DNAH7: variants seen among roughly 807,000 people sequenced by gnomAD.
The protein encoded by DNAH7 is axonemal beta dynein heavy chain 7.
A neutral mutation model predicts 444.6 loss-of-function variants in DNAH7; 397 were observed. That is an observed-to-expected ratio of 0.89 (90% CI 0.82 to 0.97). DNAH7 has a LOEUF of 0.97. Among genes scored for constraint, DNAH7 ranks in the 50% least tolerant of loss-of-function variants. DNAH7 has a pLI of 0.00. For missense variants in DNAH7, 4,902 were observed against 4,800.8 expected (o/e 1.02, Z -0.62); for synonymous variants, 1,636 against 1,624.4 (o/e 1.01, Z -0.17).
chr2:195,754,345 G>A lies in DNAH7; in HGVS notation c.11756C>T (p.Pro3919Leu). ...VMEDKEYKHP[P>L]EDGVFIHGLF... Reference sequence around the variant, plus strand: ...TCTGTCCCTGCACTTACCATCCTCAGGAGGATGCTTGTATTCTTTGTCTTC... The same window carrying A: ...TCTGTCCCTGCACTTACCATCCTCAAGAGGATGCTTGTATTCTTTGTCTTC... Residue 3919 changes from proline to leucine, a missense_variant, in exon 63 of 65, where the codon CCT becomes CTT. Physicochemically the swap from Pro to Leu is moderately conservative, Grantham distance 98. Coordinates refer to ENST00000312428, the MANE Select transcript of DNAH7 (RefSeq NM_018897.3). The A allele has an allele frequency of 1.2e-6, 2 of 1,613,692 alleles. No individual in the cohort carries two copies. Among genetic ancestry groups the A allele is most frequent in the South Asian group, 1.1e-5 (1 of 91,048 alleles).
At chr2:195,894,493 C>A (rs1316334116) in intron 30 of DNAH7, 2 of 152,230 alleles carry the variant, frequency 1.3e-5, no homozygotes, top group Non-Finnish European at 2.9e-5. Context: ...GTATTTAAAA[C>A]AGCCCCACTC....
chr2:196,020,186 G>C (rs988875783), intron 8 of DNAH7, among the ~76,000 whole-genome samples: 1 of 151,772 alleles, frequency 6.6e-6, no homozygotes, highest in Non-Finnish European at 1.5e-5. Flanking sequence ...GTTTTAATTG[G>C]CTGTTTATGT....
At chr2:195,996,460 C>A (rs1376977849) in intron 12 of DNAH7, among the ~76,000 whole-genome samples, 1 of 146,910 alleles carries the variant, frequency 6.8e-6, no homozygotes, top group Non-Finnish European at 1.5e-5. Flanking sequence ...GAGTCTCATT[C>A]TGTTGCCCAG....
chr2:195,969,575 A>G (rs1203689432), intron 17 of DNAH7, among the ~76,000 whole-genome samples: 4 of 152,190 alleles, frequency 2.6e-5, no homozygotes, highest in Non-Finnish European at 5.9e-5. Flanking sequence ...GCTGTCCTCT[A>G]TGAAGATGGA....
intron 42 of DNAH7, among the ~76,000 whole-genome samples, 153 bp from the exon 43 acceptor site, chr2:195,858,957 A>G (rs558646566): frequency 5.5e-4 from 84 of 152,342 alleles, no homozygotes; most frequent in African/African-American, 2.0e-3. Flanking sequence ...CTGTCAAAAC[A>G]TGAAACCTAG....
chr2:196,000,605 T>C (rs1309736737), intron 12 of DNAH7, 99 bp downstream of exon 12: 2 of 1,016,942 alleles, frequency 2.0e-6, no homozygotes, highest in African/African-American at 1.7e-5. Flanking sequence ...CATTATTATA[T>C]TCTGTGAAGC....
At chr2:196,025,792 C>T (rs761569603) in intron 7 of DNAH7, among the ~76,000 whole-genome samples, 2 of 152,114 alleles carry the variant, frequency 1.3e-5, no homozygotes, top group African/African-American at 2.4e-5. Context: ...CACCAGGATA[C>T]TCCATAGAAG....
At chr2:195,838,944 A>T (rs1698530852) in intron 47 of DNAH7, among the ~76,000 whole-genome samples, 1 of 151,908 alleles carries the variant, frequency 6.6e-6, no homozygotes, top group African/African-American at 2.4e-5. Flanking sequence ...TAAAGCTAAA[A>T]CTGATAAGAC....
chr2:195,739,851 T>C (rs1692887594), intron 64 of DNAH7, among the ~76,000 whole-genome samples: 1 of 152,232 alleles, frequency 6.6e-6, no homozygotes, highest in Non-Finnish European at 1.5e-5. Flanking sequence ...TCTGCTTTCT[T>C]GTTTCACCTC....
rs200798353 is a variant in DNAH7, at chr2:195,925,553, TG to T, written c.3612+872del. 8.7e-4 allele frequency among the ~76,000 whole-genome samples: 133 copies of T among 152,310 alleles called. 2 individuals are homozygous for T. The East Asian group carries it at 0.024, about 27-fold the overall frequency. On this transcript the variant is annotated intron_variant, in intron 22 of 64. Coordinates refer to ENST00000312428, the MANE Select transcript of DNAH7 (RefSeq NM_018897.3). ...CTTTTCCTGAAAACCCTTGACTTCC[TG>T]TTTTACACCCTATTCCTTCTTGTAG... is the stretch of plus-strand genomic sequence containing the variant.
chr2:195,737,713 T>TTTTC lies in DNAH7; in HGVS notation c.*204_*207dup, dbSNP rs563868410. On this transcript the variant is annotated 3_prime_UTR_variant, in exon 65 of 65. Coordinates refer to ENST00000312428, the MANE Select transcript of DNAH7 (RefSeq NM_018897.3). The stretch of plus-strand genomic sequence containing the variant: ...CAAAGAGAGCAAATATGCCAGTGTG[T>TTTTC]TTTCTTTAGTCTTTATTTCAGAACA... The TTTTC allele has an allele frequency of 5.5e-4, 249 of 450,604 alleles. No individual in the cohort carries two copies. Among genetic ancestry groups the TTTTC allele is most frequent in the African/African-American group, 4.8e-3 (218 of 45,094 alleles). 27.9% of individuals were successfully genotyped at this position (450,604 alleles called of 1,614,324 possible). A position where few individuals can be genotyped will look rare whatever the true frequency, so the allele number is the denominator to read the frequency against.
intron 38 of DNAH7, among the ~76,000 whole-genome samples, chr2:195,874,068 C>T (rs1268762471): frequency 2.0e-5 from 3 of 152,112 alleles, no homozygotes; most frequent in Non-Finnish European, 4.4e-5. Flanking sequence ...ACAATATTAA[C>T]GTAACTCTGG....
At position 195,816,827 on chromosome 2, in the gene DNAH7, C is replaced by G; in HGVS notation, c.9562G>C (p.Val3188Leu). ...LANEISQKQE[V>L]AEETEKKIDT... The stretch of plus-strand genomic sequence containing the variant: ...ATCTTTTTCTCTGTCTCTTCGGCTA[C>G]TTCCTGCTTCTGAGAAATCTCATTA... Residue 3188 changes from valine to leucine, a missense_variant, in exon 51 of 65, where the codon GTA (valine) becomes CTA (leucine). Transcript: ENST00000312428. 1.2e-6 allele frequency: 2 copies of G among 1,614,162 alleles called. No individual in the cohort carries two copies.
chr2:195,748,268 C>T (rs531386461), intron 63 of DNAH7, among the ~76,000 whole-genome samples: 1 of 152,268 alleles, frequency 6.6e-6, no homozygotes, highest in South Asian at 2.1e-4. Context: ...CCTAGGAATC[C>T]AGCTTACAAG....
At chr2:196,068,309 T>G in intron 1 of DNAH7, 1 of 284,924 alleles carries the variant, frequency 3.5e-6, no homozygotes, top group Non-Finnish European at 6.6e-6. Context: ...GACTAAGAGA[T>G]TTGTCCAAAG....
At chr2:195,867,233 T>C (rs1574612333) in intron 40 of DNAH7, among the ~76,000 whole-genome samples, 2 of 152,142 alleles carry the variant, frequency 1.3e-5, no homozygotes, top group Non-Finnish European at 2.9e-5. Flanking sequence ...AGCTCCCTCA[T>C]GCTCACTACT....
Position 195,872,414 on chromosome 2 carries a change from T to C in DNAH7, c.6469A>G (p.Met2157Val). The change falls in exon 40 of 65, where the codon ATG becomes GTG. Residue 2157 changes from methionine (M) to valine (V), a missense_variant. Met to Val is a conservative substitution (Grantham distance 21, BLOSUM62 1). Coordinates refer to ENST00000312428, the MANE Select transcript of DNAH7 (RefSeq NM_018897.3). ...TTCATTGCTTCTTTATACAGAGTCA[T>C]TGTGCCATTTACGATTTGTGTGGTC... ...DLTTQIVNGT[M>V]TLYKEAMKNL... is the part of the protein sequence containing the mutation. 6.2e-7 allele frequency: 1 copy of C among 1,612,834 alleles called. No homozygotes were observed. The highest frequency in any genetic ancestry group is 8.5e-7 in the Non-Finnish European group (1 of 1,179,284).
Position 195,886,176 on chromosome 2 carries a change from C to T in DNAH7, c.5503G>A (p.Glu1835Lys), listed in dbSNP as rs1417537096. ...DDFADEVKLK[E>K]RNDRETYSLL... ...GAGTAAGTTTCTCGATCATTTCTCT[C>T]CTTTAGTTTGACTTCATCAGCAAAA... Residue 1835 changes from glutamate (E) to lysine (K), a missense_variant, in exon 34 of 65, where the codon GAG (glutamate) becomes AAG (lysine). Transcript: ENST00000312428. 2.5e-6 allele frequency: 4 copies of T among 1,613,756 alleles called. No individual in the cohort carries two copies. The highest frequency in any genetic ancestry group is 1.1e-5 in the South Asian group (1 of 90,978).
intron 5 of DNAH7, among the ~76,000 whole-genome samples, chr2:196,030,739 G>C (rs1303282840): frequency 6.6e-6 from 1 of 152,230 alleles, no homozygotes; most frequent in Non-Finnish European, 1.5e-5. Flanking sequence ...GCTCCAAAAT[G>C]ATCTCCTTTG....
Sources: gnomAD v4.1 joint callset for allele counts (sites outside exome capture counted in the v4.1 genomes callset) on GRCh38, gnomAD v4.1.1 for gene constraint, MANE v1.5 for transcripts, NCBI Gene and HGNC (gene_info 2026-07-23, HGNC 2026-07-21) for gene names.